Variants in ARHGEF16 observed in about 807,000 individuals in gnomAD.
ARHGEF16 encodes the protein Rho guanine nucleotide exchange factor 16.
ARHGEF16 carries 59 observed loss-of-function variants against 74.1 expected under a neutral mutation model. The ratio of observed to expected loss-of-function variants is 0.80; its 90% CI spans 0.65 to 0.99. The LOEUF is 0.99. Among genes scored for constraint, ARHGEF16 ranks in the 50% least tolerant of loss-of-function variants. ARHGEF16 has a pLI of 0.00. For synonymous variants in ARHGEF16, 415 were observed against 412.6 expected, an observed-to-expected ratio of 1.01 and a Z score of -0.07; for missense variants, 948 against 986.6, an observed-to-expected ratio of 0.96 and a Z score of 0.52.
At chr1:3,476,141 C>A in intron 10 of ARHGEF16, 79 bp downstream of exon 10, 1 of 1,431,518 alleles carries the variant, frequency 7.0e-7, no homozygotes, top group Non-Finnish European at 9.5e-7. Context: ...TGAGGTCACA[C>A]CCCTGAGCCT....
In ARHGEF16 at chr1:3,480,642, G is replaced by A. The variant is rs558844633; in HGVS notation, c.*55G>A. The A allele has an allele frequency of 2.0e-5, 32 of 1,582,098 alleles. No homozygotes were observed. Among genetic ancestry groups the A allele is most frequent in the East Asian group, 6.7e-5 (3 of 44,560 alleles). On this transcript the variant is annotated 3_prime_UTR_variant, in exon 15 of 15. Coordinates refer to ENST00000378378, the MANE Select transcript of ARHGEF16 (RefSeq NM_014448.4). ...GCCTGTCTCCAATCAGCAAGTGGTC[G>A]TGCCTGGCTCTAGAGAGCGTGGGGA...
In ARHGEF16 at chr1:3,479,419, C is replaced by T. The variant is rs531173757; in HGVS notation, c.1815-98C>T. ...CTGCCCACCCCCACCACCCCCATCT[C>T]CTTGCCACGGCCCCCATGGGTGGCT... On this transcript the variant is annotated intron_variant, in intron 12 of 14. Coordinates refer to ENST00000378378, the MANE Select transcript of ARHGEF16 (RefSeq NM_014448.4). 1.3e-3 allele frequency: 1,678 copies of T among 1,336,222 alleles called. 6 individuals carry two copies. Among genetic ancestry groups the T allele is most frequent in the Non-Finnish European group, 1.5e-3 (1,468 of 954,816 alleles). The allele number at this position is 1,336,222 out of a possible 1,614,324, so 82.8% of individuals were successfully genotyped here.
chr1:3,473,736 A>G (rs185319119), intron 8 of ARHGEF16: 2 of 791,572 alleles, frequency 2.5e-6, no homozygotes, highest in East Asian at 5.5e-5. Flanking sequence ...GAACTGTTCC[A>G]GCCCTTGGCG....
chr1:3,478,424 C>A lies in ARHGEF16; in HGVS notation c.1626C>A (p.Ser542Arg). 6.3e-7 allele frequency: 1 copy of A among 1,589,846 alleles called. No individual in the cohort carries two copies. The highest frequency in any genetic ancestry group is 1.1e-5 in the South Asian group (1 of 89,262). Residue 542 changes from serine (S) to arginine (R), a missense_variant and splice_region_variant, in exon 12 of 15, where the codon AGC becomes AGA. Ser to Arg is a moderately radical substitution (Grantham distance 110). Coordinates refer to ENST00000378378, the MANE Select transcript of ARHGEF16 (RefSeq NM_014448.4). ...NDVLVVTKKK[S>R]EESYMVQDYA... ...CCACCGACTGCCCGTGTCTCCACAG[C>A]GAGGAGAGCTACATGGTCCAGGACT... is the stretch of plus-strand genomic sequence containing the variant.
At chr1:3,465,163 G>T (rs1187040343) in intron 2 of ARHGEF16, among the ~76,000 whole-genome samples, 1 of 152,258 alleles carries the variant, frequency 6.6e-6, no homozygotes, top group Non-Finnish European at 1.5e-5. Flanking sequence ...ATTTCATGCA[G>T]TCAGCAGACA....
rs1197199321 is a variant in ARHGEF16 at position 3,480,550 on chromosome 1, G to A, written c.2093G>A (p.Arg698His). Residue 698 changes from arginine (R) to histidine (H), a missense_variant, in exon 15 of 15, where the codon CGC (arginine) becomes CAC (histidine). Arg to His is a conservative substitution (Grantham distance 29). Coordinates refer to ENST00000378378, the MANE Select transcript of ARHGEF16 (RefSeq NM_014448.4). Reference protein sequence around the residue: ...TSRVAVEGNVRRMERLRVETD... With the variant: ...TSRVAVEGNVHRMERLRVETD... ...CGTGTGGCCGTGGAGGGCAATGTCC[G>A]CAGGATGGAGCGTCTGCGGGTGGAG... The A allele has an allele frequency of 5.0e-6, 8 of 1,610,650 alleles. No homozygotes were observed. The highest frequency in any genetic ancestry group is 2.2e-5 in the East Asian group (1 of 44,892).
intron 1 of ARHGEF16, among the ~76,000 whole-genome samples, chr1:3,456,315 G>T (rs568027586): frequency 6.6e-6 from 1 of 152,362 alleles, no homozygotes; most frequent in South Asian, 2.1e-4. Context: ...CCATCCTGAG[G>T]ATGGCCATCT....
chr1:3,480,823 C>G lies in ARHGEF16; in HGVS notation c.*236C>G, dbSNP rs1640037777. 1 of 593,462 alleles carries G rather than the reference C, an allele frequency of 1.7e-6. No homozygotes were observed. The highest frequency in any genetic ancestry group is 2.9e-6 in the Non-Finnish European group (1 of 349,404). The allele number at this position is 593,462 out of a possible 1,614,324, so 36.8% of individuals were successfully genotyped here. Reference sequence around the variant, plus strand: ...GGGCCACACCGTGTCCCAGGGAGCCCAGCCTATTCCCGTTGGCTGGCTGGG... The same window carrying G: ...GGGCCACACCGTGTCCCAGGGAGCCGAGCCTATTCCCGTTGGCTGGCTGGG... On this transcript the variant is annotated 3_prime_UTR_variant, in exon 15 of 15. Transcript: ENST00000378378.
intron 10 of ARHGEF16, among the ~76,000 whole-genome samples, chr1:3,477,190 TGAG>T (rs1639902705): frequency 6.9e-6 from 1 of 144,006 alleles, no homozygotes; most frequent in South Asian, 2.2e-4. Flanking sequence ...AGGGAGCAGG[TGAG>T]GAGGTGTCAA....
At position 3,480,628 on chromosome 1, in the gene ARHGEF16, A is replaced by C; in HGVS notation, c.*41A>C. On this transcript the variant is annotated 3_prime_UTR_variant, in exon 15 of 15. Transcript: ENST00000378378. ...CCGGCGGCAGCACAGCCTGTCTCCA[A>C]TCAGCAAGTGGTCGTGCCTGGCTCT... is the stretch of plus-strand genomic sequence containing the variant. The C allele has an allele frequency of 6.3e-7, 1 of 1,590,136 alleles. No homozygotes were observed. Among genetic ancestry groups the C allele is most frequent in the African/African-American group, 1.3e-5 (1 of 74,958 alleles).
Position 3,478,622 on chromosome 1 carries a change from C to T in ARHGEF16, c.1814+10C>T. ...TCTCCTCGGACTCCGCGTAAGTGGGCTCCCGGGAGGGCTGTTCCCAGGCCA... is the reference window on the plus strand; with the variant it reads ...TCTCCTCGGACTCCGCGTAAGTGGGTTCCCGGGAGGGCTGTTCCCAGGCCA... On this transcript the variant is annotated intron_variant, in intron 12 of 14. Coordinates refer to ENST00000378378, the MANE Select transcript of ARHGEF16 (RefSeq NM_014448.4). 1 of 1,598,196 alleles carries T rather than the reference C, an allele frequency of 6.3e-7. No homozygotes were observed. Among genetic ancestry groups the T allele is most frequent in the Non-Finnish European group, 8.5e-7 (1 of 1,170,812 alleles).
At chr1:3,471,210 C>T (rs1456063118) in intron 6 of ARHGEF16, among the ~76,000 whole-genome samples, 10 of 151,926 alleles carry the variant, frequency 6.6e-5, no homozygotes, top group Admixed American at 5.2e-4. Flanking sequence ...CCCGGAGCAT[C>T]GAGTCTCCTG....
chr1:3,463,335 G>A lies in ARHGEF16; in HGVS notation c.251G>A (p.Gly84Asp). Reference sequence around the variant, plus strand: ...GAGAGCCCGGCGGCCCTCAAGCTGGGCACCCAACAGCTGATCCCTAAGAGC... The same window carrying A: ...GAGAGCCCGGCGGCCCTCAAGCTGGACACCCAACAGCTGATCCCTAAGAGC... ...STESPAALKL[G>D]TQQLIPKSLA... Residue 84 changes from glycine to aspartate, a missense_variant, in exon 2 of 15, where the codon GGC becomes GAC. Physicochemically the swap from Gly to Asp is moderately conservative, Grantham distance 94. Coordinates refer to ENST00000378378, the MANE Select transcript of ARHGEF16 (RefSeq NM_014448.4). The A allele has an allele frequency of 1.3e-6, 2 of 1,550,158 alleles. No individual in the cohort carries two copies. Among genetic ancestry groups the A allele is most frequent in the Non-Finnish European group, 1.7e-6 (2 of 1,146,888 alleles).
chr1:3,467,493 G>A (rs1245059653), intron 4 of ARHGEF16, among the ~76,000 whole-genome samples, 156 bp downstream of exon 4: 1 of 152,180 alleles, frequency 6.6e-6, no homozygotes, highest in Non-Finnish European at 1.5e-5. Context: ...CTCGGCTGTG[G>A]GTGGCAGACC....
rs11801612 is a variant in ARHGEF16, at chr1:3,473,769, G to T, written c.1305+247G>T. 8.5e-3 allele frequency: 5,284 copies of T among 623,156 alleles called. 191 individuals are homozygous for T. In the African/African-American group the frequency reaches 0.087, roughly 10 times the overall value. The allele number at this position is 623,156 out of a possible 1,614,324, so 38.6% of individuals were successfully genotyped here. A position where few individuals can be genotyped will look rare whatever the true frequency, so the allele number is the denominator to read the frequency against. On this transcript the variant is annotated intron_variant, in intron 8 of 14. Coordinates refer to ENST00000378378, the MANE Select transcript of ARHGEF16 (RefSeq NM_014448.4). ...GCGGATTTGTGTTCACTTACTCAATGGTTCATGAGGTTCAGGCACACTGAC... is the reference window on the plus strand; with the variant it reads ...GCGGATTTGTGTTCACTTACTCAATTGTTCATGAGGTTCAGGCACACTGAC...
chr1:3,471,613 C>G (rs1639724989), intron 6 of ARHGEF16: 1 of 1,134,228 alleles, frequency 8.8e-7, no homozygotes, highest in Non-Finnish European at 1.1e-6. Flanking sequence ...GCTTTGTGTT[C>G]TCTGAGCTCT....
chr1:3,479,369 C>G (rs1017529057), intron 12 of ARHGEF16, 148 bp from the exon 13 acceptor site: 11 of 873,122 alleles, frequency 1.3e-5, no homozygotes, highest in Non-Finnish European at 2.0e-5. Flanking sequence ...GGTTAGCCTG[C>G]CTGGCACAGT....
At chr1:3,479,690 G>A in intron 13 of ARHGEF16, 100 bp downstream of exon 13, 1 of 1,560,856 alleles carries the variant, frequency 6.4e-7, no homozygotes, top group Non-Finnish European at 8.7e-7. Flanking sequence ...CCTTGTGCTG[G>A]GGCCTGGCAG....
In ARHGEF16 at chr1:3,480,557, G is replaced by A; in HGVS notation, c.2100G>A (p.Met700Ile). The change falls in exon 15 of 15, where the codon ATG becomes ATA. Residue 700 changes from methionine (M) to isoleucine (I), a missense_variant. Coordinates refer to ENST00000378378, the MANE Select transcript of ARHGEF16 (RefSeq NM_014448.4). ...RVAVEGNVRR[M>I]ERLRVETDV Reference sequence around the variant, plus strand: ...CCGTGGAGGGCAATGTCCGCAGGATGGAGCGTCTGCGGGTGGAGACGGACG... The same window carrying A: ...CCGTGGAGGGCAATGTCCGCAGGATAGAGCGTCTGCGGGTGGAGACGGACG... 6.2e-7 allele frequency: 1 copy of A among 1,610,348 alleles called. No individual in the cohort carries two copies. Among genetic ancestry groups the A allele is most frequent in the African/African-American group, 1.3e-5 (1 of 75,072 alleles).
Sources: gnomAD v4.1 joint callset for allele counts (sites outside exome capture counted in the v4.1 genomes callset) on GRCh38, gnomAD v4.1.1 for gene constraint, MANE v1.5 for transcripts, NCBI Gene and HGNC (gene_info 2026-07-23, HGNC 2026-07-21) for gene names.